The following MTR variants were observed in gnomAD, a reference collection of about 807,000 sequenced individuals.
The protein encoded by MTR is 5-methyltetrahydrofolate-homocysteine methyltransferase, also known as methionine synthase.
In MTR, 84 loss-of-function variants were observed where a neutral mutation model predicts 154.8. The observed-to-expected ratio is 0.54, with a 90% CI of 0.45 to 0.65. MTR has a LOEUF of 0.65. Among genes scored for constraint, MTR ranks in the 30% least tolerant of loss-of-function variants. The pLI, the probability that MTR is intolerant of heterozygous loss-of-function variation, is 0.00. For missense variants in MTR, 1,275 were observed against 1,570.2 expected, an observed-to-expected ratio of 0.81 and a Z score of 3.18; for synonymous variants, 554 against 553.9, an observed-to-expected ratio of 1.00 and a Z score of 0.00.
intron 3 of MTR, 43 bp from the exon 4 acceptor site, chr1:236,808,661 G>A (rs779921829): frequency 2.9e-5 from 45 of 1,571,740 alleles, no homozygotes; most frequent in Middle Eastern, 1.7e-4. Context: ...TTATTGTGCG[G>A]AGGAAAAGAA....
At chr1:236,843,272 A>G (rs760509433) in intron 15 of MTR, among the ~76,000 whole-genome samples, 5 of 152,132 alleles carry the variant, frequency 3.3e-5, no homozygotes, top group Admixed American at 6.5e-5. Context: ...GAGCCATGTG[A>G]AAATGTAGGG....
At chr1:236,837,942 A>T (rs1194074804) in intron 14 of MTR, among the ~76,000 whole-genome samples, 2 of 152,142 alleles carry the variant, frequency 1.3e-5, no homozygotes, top group African/African-American at 4.8e-5. Context: ...TCTAATATTA[A>T]AACTCTTTTT....
chr1:236,889,613 C>T (rs1028468967), intron 28 of MTR, among the ~76,000 whole-genome samples: 5 of 152,148 alleles, frequency 3.3e-5, no homozygotes, highest in African/African-American at 1.2e-4. Context: ...AATATAATCC[C>T]TGCTGTCTAG....
chr1:236,876,451 T>G (rs937211770), intron 24 of MTR, among the ~76,000 whole-genome samples: 1 of 152,274 alleles, frequency 6.6e-6, no homozygotes, highest in African/African-American at 2.4e-5. Flanking sequence ...GATGACAGGC[T>G]TAGTGAAGAG....
rs1389374895 is a variant in MTR, at chr1:236,808,659, C to T, written c.340-45C>T. 15 of 1,557,156 alleles carry T rather than the reference C, an allele frequency of 9.6e-6. No homozygotes were observed. The Admixed American group carries it at 1.2e-4, about 12-fold the overall frequency. On this transcript the variant is annotated intron_variant, in intron 3 of 32. Transcript: ENST00000366577. ...GGTCATGAATCCATTATTTATTGTG[C>T]GGAGGAAAAGAAGGACAAGCTAACG...
At chr1:236,826,499 T>A (rs1276666410) in intron 10 of MTR, among the ~76,000 whole-genome samples, 1 of 152,170 alleles carries the variant, frequency 6.6e-6, no homozygotes, top group Non-Finnish European at 1.5e-5. Flanking sequence ...TCTTGCTATA[T>A]TGCCCAGGCT....
At chr1:236,819,730 T>C (rs889009819) in intron 8 of MTR, 1 of 729,736 alleles carries the variant, frequency 1.4e-6, no homozygotes. Context: ...AAACTTGACT[T>C]CCAAATGAAG....
intron 13 of MTR, among the ~76,000 whole-genome samples, chr1:236,833,528 A>G (rs1231152558): frequency 1.3e-5 from 2 of 152,224 alleles, no homozygotes; most frequent in Non-Finnish European, 2.9e-5. Flanking sequence ...AGTAAATGAT[A>G]GAACCCAAGT....
chr1:236,798,484 G>T (rs1193692333), intron 1 of MTR, among the ~76,000 whole-genome samples: 1 of 152,052 alleles, frequency 6.6e-6, no homozygotes, highest in Admixed American at 6.6e-5. Context: ...AGATGTTAAG[G>T]GCACGGAAAA....
intron 15 of MTR, among the ~76,000 whole-genome samples, chr1:236,841,780 A>T (rs919200919): frequency 6.6e-5 from 10 of 152,116 alleles, no homozygotes; most frequent in African/African-American, 1.9e-4. Context: ...CTTAATTGGC[A>T]GTTGCATGGG....
At position 236,810,562 on chromosome 1, in the gene MTR, C is replaced by G; in HGVS notation, c.469C>G (p.Pro157Ala). ...GPTNKTLSVSPSVERPDYRNI... is the reference protein window; with the variant it reads ...GPTNKTLSVSASVERPDYRNI... ...GACTAATAAGACACTCTCTGTGTCC[C>G]CATCTGTGGAAAGGCCGGATTATAG... The change falls in exon 5 of 33, where the codon CCA becomes GCA. Residue 157 changes from proline to alanine, a missense_variant. Physicochemically the swap from Pro to Ala is conservative, Grantham distance 27 (BLOSUM62 -1). Transcript: ENST00000366577. 3 of 1,613,798 alleles carry G rather than the reference C, an allele frequency of 1.9e-6. No individual in the cohort carries two copies. The highest frequency in any genetic ancestry group is 2.5e-6 in the Non-Finnish European group (3 of 1,179,818).
chr1:236,858,159 G>A (rs1276073805), intron 18 of MTR, among the ~76,000 whole-genome samples: 1 of 152,168 alleles, frequency 6.6e-6, no homozygotes, highest in Non-Finnish European at 1.5e-5. Context: ...ACCCGAGACT[G>A]GGTAATTTAT....
intron 13 of MTR, among the ~76,000 whole-genome samples, chr1:236,833,269 G>T (rs1484370812): frequency 6.6e-6 from 1 of 152,164 alleles, no homozygotes; most frequent in African/African-American, 2.4e-5. Context: ...CTATTCTATG[G>T]TGTCCCTTTG....
rs1666875133 is a variant in MTR at position 236,900,561 on chromosome 1, T to A, written c.*2917T>A. Reference sequence around the variant, plus strand: ...AGGCTTACAAGTGTTTACTATATGCTATTAATACATTATACTTTATAACTA... The same window carrying A: ...AGGCTTACAAGTGTTTACTATATGCAATTAATACATTATACTTTATAACTA... On this transcript the variant is annotated 3_prime_UTR_variant, in exon 33 of 33. Coordinates refer to ENST00000366577, the MANE Select transcript of MTR (RefSeq NM_000254.3). The A allele has an allele frequency of 6.6e-6, 1 of 152,484 alleles. No individual in the cohort carries two copies. 9.4% of individuals were successfully genotyped at this position (152,484 alleles called of 1,614,324 possible).
At chr1:236,869,297 T>C (rs1664989434) in intron 22 of MTR, among the ~76,000 whole-genome samples, 4 of 151,868 alleles carry the variant, frequency 2.6e-5, no homozygotes, top group Admixed American at 2.6e-4. Flanking sequence ...TCAGTGCAAC[T>C]TTTTTTTTCC....
chr1:236,830,812 C>A (rs1662567363), intron 12 of MTR, among the ~76,000 whole-genome samples: 1 of 152,176 alleles, frequency 6.6e-6, no homozygotes, highest in African/African-American at 2.4e-5. Flanking sequence ...TAAGCCAGTA[C>A]CGTGCATGGA....
chr1:236,877,847 AT>A (rs1181963047), intron 24 of MTR, among the ~76,000 whole-genome samples: 5 of 152,182 alleles, frequency 3.3e-5, no homozygotes, highest in Admixed American at 3.3e-4. Context: ...CCCACAAGCA[AT>A]TGTGAAAGTT....
At chr1:236,811,760 G>T in intron 5 of MTR, 1 of 452,866 alleles carries the variant, frequency 2.2e-6, no homozygotes, top group South Asian at 1.6e-5. Context: ...TAAGCAAAAT[G>T]ATGCATAGCA....
intron 5 of MTR, among the ~76,000 whole-genome samples, chr1:236,812,243 G>C (rs535506209): frequency 6.6e-6 from 1 of 152,350 alleles, no homozygotes; most frequent in East Asian, 1.9e-4. Flanking sequence ...GACTGAAATT[G>C]CTCACCAGAC....
Sources: allele counts gnomAD v4.1 joint callset (sites outside exome capture counted in the v4.1 genomes callset), GRCh38; gene constraint gnomAD v4.1.1; transcripts MANE v1.5; gene names NCBI Gene and HGNC (gene_info 2026-07-23, HGNC 2026-07-21).